SIGLEC12: variants seen among roughly 807,000 people sequenced by gnomAD.
SIGLEC12 encodes the protein sialic acid-binding Ig-like lectin 12.
SIGLEC12 carries 43 observed loss-of-function variants against 54.1 expected under a neutral mutation model. The observed-to-expected ratio is 0.80, with a 90% CI of 0.62 to 1.03. The LOEUF is 1.03. SIGLEC12 is among the 50% of genes least tolerant of loss of function. The pLI is 0.00. For missense variants in SIGLEC12, 802 were observed against 735.2 expected, an observed-to-expected ratio of 1.09 and a Z score of -1.05; for synonymous variants, 357 against 307.6, an observed-to-expected ratio of 1.16 and a Z score of -1.68.
rs564631479 is a variant in SIGLEC12 at position 51,498,092 on chromosome 19, A to G, written c.1331T>C (p.Phe444Ser). The G allele has an allele frequency of 5.3e-4, 861 of 1,614,184 alleles. 7 individuals carry two copies. In the South Asian group the frequency reaches 9.0e-3, roughly 17 times the overall value. The change falls in exon 5 of 8, where the codon TTC becomes TCC. Residue 444 changes from phenylalanine (F) to serine (S), a missense_variant. Phe to Ser is a radical substitution (Grantham distance 155). Transcript: ENST00000291707. Reference sequence around the variant, plus strand: ...TAGAGGGTTCTGAGCTCGGCAGGTGAATTCCCCTTCATCCTTCACATGCAC... The same window carrying G: ...TAGAGGGTTCTGAGCTCGGCAGGTGGATTCCCCTTCATCCTTCACATGCAC... Reference protein sequence around the residue: ...PRVHVKDEGEFTCRAQNPLGS... With the variant: ...PRVHVKDEGESTCRAQNPLGS...
chr19:51,499,188 A>G lies in SIGLEC12; in HGVS notation c.1117T>C (p.Phe373Leu). 8 of 1,614,090 alleles carry G rather than the reference A, an allele frequency of 5.0e-6. No individual in the cohort carries two copies. Among genetic ancestry groups the G allele is most frequent in the Non-Finnish European group, 6.8e-6 (8 of 1,179,966 alleles). The change falls in exon 4 of 8, where the codon TTC (phenylalanine) becomes CTC (leucine). Residue 373 changes from phenylalanine to leucine, a missense_variant. Transcript: ENST00000291707. ...ATCTTACCTGTGCCATCTCCTTGGA[A>G]GACAGTCATGGTCAAGTTCTGAGGA... ...YPPQNLTMTV[F>L]QGDGTASTTL... is the part of the protein sequence containing the mutation.
intron 4 of SIGLEC12, 76 bp from the exon 5 acceptor site, chr19:51,498,363 G>A: frequency 7.6e-7 from 1 of 1,320,692 alleles, no homozygotes. Flanking sequence ...AAAGAGAGTG[G>A]TGAATGGAAC....
At chr19:51,492,393 C>T (rs1031449957) in intron 7 of SIGLEC12, among the ~76,000 whole-genome samples, 2 of 152,184 alleles carry the variant, frequency 1.3e-5, no homozygotes, top group Admixed American at 6.5e-5. Flanking sequence ...TCAGACGTGG[C>T]ACCTGCCCTT....
At chr19:51,497,979 A>T in intron 5 of SIGLEC12, 39 bp downstream of exon 5, 1 of 1,609,552 alleles carries the variant, frequency 6.2e-7, no homozygotes, top group Non-Finnish European at 8.5e-7. Context: ...TGAGGGTGGG[A>T]CATGTGTGTT....
intron 6 of SIGLEC12, 89 bp downstream of exon 6, chr19:51,497,260 C>G (rs1197027224): frequency 1.7e-6 from 2 of 1,211,778 alleles, no homozygotes; most frequent in Non-Finnish European, 2.4e-6. Context: ...AGCTCTTGAC[C>G]CATCCAGGTC....
chr19:51,494,717 G>A (rs1990181264), intron 7 of SIGLEC12, among the ~76,000 whole-genome samples: 1 of 152,188 alleles, frequency 6.6e-6, no homozygotes, highest in African/African-American at 2.4e-5. Flanking sequence ...CAACCCAAGT[G>A]TACATCAACA....
intron 7 of SIGLEC12, among the ~76,000 whole-genome samples, chr19:51,496,213 T>C (rs1372452515): frequency 6.6e-6 from 1 of 152,248 alleles, no homozygotes; most frequent in Non-Finnish European, 1.5e-5. Context: ...CTCACGCCTA[T>C]AATCCCAGCA....
At position 51,500,044 on chromosome 19, in the gene SIGLEC12, G is replaced by A. The variant is rs748329650; in HGVS notation, c.684C>T (p.Thr228=). 16 of 1,614,130 alleles carry A rather than the reference G, an allele frequency of 9.9e-6. No homozygotes were observed. Among genetic ancestry groups the A allele is most frequent in the Non-Finnish European group, 1.2e-5 (14 of 1,179,994 alleles). Residue 228 remains threonine, a synonymous_variant, in exon 2 of 8, where the codon ACC becomes ACT. Transcript: ENST00000291707. ...CTCTGATGCTCAGGGAGCAGTTGTTGGTCTGTGGGTCCCCAAGGAGGAGGA... is the reference window on the plus strand; with the variant it reads ...CTCTGATGCTCAGGGAGCAGTTGTTAGTCTGTGGGTCCCCAAGGAGGAGGA... ...GRFLLLGDPQ[T]NNCSLSIRDA...
chr19:51,491,811 G>A lies in SIGLEC12; in HGVS notation c.1618C>T (p.Pro540Ser). The change falls in exon 8 of 8, where the codon CCG becomes TCG. Residue 540 changes from proline (P) to serine (S), a missense_variant. Coordinates refer to ENST00000291707, the MANE Select transcript of SIGLEC12 (RefSeq NM_053003.4). ...SASQGPLIES[P>S]ADDSPPHHAP... ...TGGTGTGGGGGGCTGTCATCTGCCG[G>A]GGATTCAATCAGGGGTCCCTGAATG... 6.3e-7 allele frequency: 1 copy of A among 1,576,736 alleles called. No individual in the cohort carries two copies. The highest frequency in any genetic ancestry group is 8.6e-7 in the Non-Finnish European group (1 of 1,162,664).
Position 51,499,548 on chromosome 19 carries a change from A to G in SIGLEC12, c.977T>C (p.Met326Thr). The G allele has an allele frequency of 6.2e-7, 1 of 1,611,406 alleles. No homozygotes were observed. The change falls in exon 3 of 8, where the codon ATG (methionine) becomes ACG (threonine). Residue 326 changes from methionine to threonine, a missense_variant. By Grantham distance (81) the Met-to-Thr change is moderately conservative. Coordinates refer to ENST00000291707, the MANE Select transcript of SIGLEC12 (RefSeq NM_053003.4). ...CTGGGGCTGTGGGATGAGGCTGAGC[A>G]TCGAGGAGCGAGTGATAGTGGGGTC... ...SLDPTITRSS[M>T]LSLIPQPQDH...
rs760555987 is a variant in SIGLEC12, at chr19:51,491,809, C to T, written c.1620G>A (p.Pro540=). The change falls in exon 8 of 8, where the codon CCG becomes CCA. Residue 540 remains proline, a synonymous_variant. Transcript: ENST00000291707. ...CATGGTGTGGGGGGCTGTCATCTGC[C>T]GGGGATTCAATCAGGGGTCCCTGAA... The part of the protein sequence containing the change: ...SASQGPLIES[P]ADDSPPHHAP... The T allele has an allele frequency of 1.1e-5, 17 of 1,576,666 alleles. No individual in the cohort carries two copies. Among genetic ancestry groups the T allele is most frequent in the South Asian group, 3.5e-5 (3 of 85,390 alleles).
intron 1 of SIGLEC12, chr19:51,500,527 T>G (rs960469470): frequency 4.5e-6 from 1 of 224,074 alleles, no homozygotes; most frequent in Admixed American, 6.5e-5. Context: ...CTATAGGAAC[T>G]CATTCCCTCT....
chr19:51,497,544 C>T lies in SIGLEC12; in HGVS notation c.1406-99G>A, dbSNP rs560321644. ...GGCCCCAGACTTGGGTACCCCAGTC[C>T]CGCTTCCCGGACAGAAAGAACAAGG... On this transcript the variant is annotated intron_variant, in intron 5 of 7. Coordinates refer to ENST00000291707, the MANE Select transcript of SIGLEC12 (RefSeq NM_053003.4). 7 of 797,512 alleles carry T rather than the reference C, an allele frequency of 8.8e-6. No individual in the cohort carries two copies. The East Asian group carries it at 1.6e-4, about 18-fold the overall frequency. The allele number at this position is 797,512 out of a possible 1,614,324, so 49.4% of individuals were successfully genotyped here. A position where few individuals can be genotyped will look rare whatever the true frequency, so the allele number is the denominator to read the frequency against.
Position 51,500,176 on chromosome 19 carries a change from G to T in SIGLEC12, c.552C>A (p.Ser184Arg), listed in dbSNP as rs908047448. The T allele has an allele frequency of 1.2e-6, 2 of 1,614,142 alleles. No homozygotes were observed. The highest frequency in any genetic ancestry group is 4.5e-5 in the East Asian group (2 of 44,872). The change falls in exon 2 of 8, where the codon AGC (serine) becomes AGA (arginine). Residue 184 changes from serine (S) to arginine (R), a missense_variant. Ser to Arg is a moderately radical substitution (Grantham distance 110). Coordinates refer to ENST00000291707, the MANE Select transcript of SIGLEC12 (RefSeq NM_053003.4). ...CCTTGAACCAGGATCCATAAACAGG[G>T]CTAGAGGCAGTCCAGTTGTAATGGG... ...LYPHYNWTAS[S>R]PVYGSWFKEG...
Position 51,499,966 on chromosome 19 carries a change from G to T in SIGLEC12, c.762C>A (p.Ser254Arg). 1 of 1,613,994 alleles carries T rather than the reference G, an allele frequency of 6.2e-7. No individual in the cohort carries two copies. The change falls in exon 2 of 8, where the codon AGC becomes AGA. Residue 254 changes from serine to arginine, a missense_variant. Ser to Arg is a moderately radical substitution (Grantham distance 110, BLOSUM62 -1). Transcript: ENST00000291707. ...GKYYFQVERG[S>R]RKWNYIYDKL... ...TGTCATATATGTAGTTCCATTTCCT[G>T]CTTCCTCTCTCCACCTGGAAGTAGT...
chr19:51,493,306 C>T (rs1990154479), intron 7 of SIGLEC12, among the ~76,000 whole-genome samples: 1 of 152,186 alleles, frequency 6.6e-6, no homozygotes, highest in Admixed American at 6.5e-5. Flanking sequence ...AGCCCTTTTG[C>T]TAGATGCTCC....
Position 51,501,521 on chromosome 19 carries a change from G to C in SIGLEC12, c.213C>G (p.Ser71Arg), listed in dbSNP as rs1223164499. Residue 71 changes from serine (S) to arginine (R), a missense_variant, in exon 1 of 8, where the codon AGC becomes AGG. Ser to Arg is a moderately radical substitution (Grantham distance 110). Coordinates refer to ENST00000291707, the MANE Select transcript of SIGLEC12 (RefSeq NM_053003.4). ...TGTTTGTGGCCACTGGAATGTTCCG[G>C]CTTACATGGTCCCCTGCCCGGAACC... ...GYWFRAGDHV[S>R]RNIPVATNNP... The C allele has an allele frequency of 6.4e-7, 1 of 1,571,364 alleles. No homozygotes were observed. Among genetic ancestry groups the C allele is most frequent in the African/African-American group, 1.6e-5 (1 of 64,124 alleles).
intron 7 of SIGLEC12, among the ~76,000 whole-genome samples, chr19:51,492,978 G>C (rs1053083351): frequency 6.6e-6 from 1 of 152,178 alleles, no homozygotes; most frequent in Non-Finnish European, 1.5e-5. Context: ...GGCTGCCTGG[G>C]AGGCTTCTCC....
rs1990100623 is a variant in SIGLEC12 at position 51,491,583 on chromosome 19, G to T, written c.*58C>A. ...TGTTAATTCTAAAGGAATCAGTCTC[G>T]GGCTTCTTTGCTGCAGGGGTCGTGA... On this transcript the variant is annotated 3_prime_UTR_variant, in exon 8 of 8. Transcript: ENST00000291707. 6.6e-7 allele frequency: 1 copy of T among 1,525,402 alleles called. No homozygotes were observed. Among genetic ancestry groups the T allele is most frequent in the East Asian group, 2.3e-5 (1 of 44,398 alleles). 94.5% of individuals were successfully genotyped at this position (1,525,402 alleles called of 1,614,324 possible).
Sources: gnomAD v4.1 joint callset for allele counts (sites outside exome capture counted in the v4.1 genomes callset) on GRCh38, gnomAD v4.1.1 for gene constraint, MANE v1.5 for transcripts, NCBI Gene and HGNC (gene_info 2026-07-23, HGNC 2026-07-21) for gene names.